Variants in BRWD1 observed in about 807,000 individuals in gnomAD.
BRWD1 encodes bromodomain and WD repeat-containing protein 1.
In BRWD1, 82 loss-of-function variants were observed where a neutral mutation model predicts 251.2. That is an observed-to-expected ratio of 0.33 (90% CI 0.27 to 0.39). BRWD1 has a LOEUF of 0.39. Among genes scored for constraint, BRWD1 ranks in the 10% least tolerant of loss-of-function variants. The pLI is 1.00. For missense variants in BRWD1, 2,233 were observed against 2,711.6 expected (o/e 0.82, Z 3.92); for synonymous variants, 918 against 902.8 (o/e 1.02, Z -0.30).
At chr21:39,278,177 A>G (rs146677671) in intron 10 of BRWD1, among the ~76,000 whole-genome samples, 27 of 152,262 alleles carry the variant, frequency 1.8e-4, no homozygotes, top group African/African-American at 6.3e-4. Context: ...AAGGGTGGCA[A>G]TATAATGCCA....
rs1345937852 is a variant in BRWD1 at position 39,193,943 on chromosome 21, T to G, written c.*2316A>C. ...CCATAACCAAAAAAACCCATAAAAA[T>G]TATTTTCTCCATTATCTCTCAGTTT... is the stretch of plus-strand genomic sequence containing the variant. On this transcript the variant is annotated 3_prime_UTR_variant, in exon 41 of 41. Coordinates refer to ENST00000342449, the MANE Select transcript of BRWD1 (RefSeq NM_033656.4). The G allele has an allele frequency of 3.0e-6, 3 of 985,584 alleles. No homozygotes were observed. In the East Asian group the frequency reaches 3.4e-4, roughly 112 times the overall value. 61.1% of individuals were successfully genotyped at this position (985,584 alleles called of 1,614,324 possible). A position where few individuals can be genotyped will look rare whatever the true frequency, so the allele number is the denominator to read the frequency against.
intron 4 of BRWD1, among the ~76,000 whole-genome samples, chr21:39,307,517 G>A (rs2036328028): frequency 6.6e-6 from 1 of 152,136 alleles, no homozygotes; most frequent in Non-Finnish European, 1.5e-5. Context: ...GAATACATTT[G>A]TACTTTCCTT....
intron 23 of BRWD1, 142 bp from the exon 24 acceptor site, chr21:39,232,640 T>A: frequency 1.1e-6 from 1 of 881,088 alleles, no homozygotes; most frequent in Non-Finnish European, 1.7e-6. Flanking sequence ...ACACAGCATA[T>A]ATATTTAGTT....
intron 19 of BRWD1, among the ~76,000 whole-genome samples, chr21:39,251,800 A>G (rs1001000435): frequency 1.3e-5 from 2 of 152,188 alleles, no homozygotes; most frequent in Admixed American, 6.5e-5. Context: ...GTCCCACCTG[A>G]TATCTGTATG....
upstream of BRWD1, chr21:39,313,664 T>C (rs3746885): frequency 0.9 from 389,244 of 430,430 alleles, 178,027 homozygotes; most frequent in African/African-American, 0.96. Context: ...AGGAAGTAGT[T>C]CCTCCGCGGG....
chr21:39,295,639 A>G, intron 7 of BRWD1, 104 bp downstream of exon 7: 3 of 981,772 alleles, frequency 3.1e-6, no homozygotes, highest in Non-Finnish European at 4.3e-6. Flanking sequence ...TACTGAGTCA[A>G]AATCTCTGAG....
At chr21:39,261,422 T>TA (rs2034741658) in intron 17 of BRWD1, among the ~76,000 whole-genome samples, 1 of 152,118 alleles carries the variant, frequency 6.6e-6, no homozygotes, top group Admixed American at 6.5e-5. Flanking sequence ...CCTAGAATAG[T>TA]AAAAAGACAT....
At chr21:39,307,742 CCT>C (rs1424571957) in intron 4 of BRWD1, among the ~76,000 whole-genome samples, 5 of 152,162 alleles carry the variant, frequency 3.3e-5, no homozygotes, top group Non-Finnish European at 5.9e-5. Flanking sequence ...AAAACAAAAA[CCT>C]CTTTTACAAT....
intron 17 of BRWD1, among the ~76,000 whole-genome samples, chr21:39,259,352 G>A (rs1433804804): frequency 6.6e-5 from 10 of 152,082 alleles, no homozygotes; most frequent in African/African-American, 1.7e-4. Context: ...GTGCAGTGGC[G>A]TGATCTTGGC....
In BRWD1 at chr21:39,193,237, A is replaced by G. The variant is rs2031645714; in HGVS notation, c.*3022T>C. 1.0e-6 allele frequency: 1 copy of G among 984,964 alleles called. No homozygotes were observed. Among genetic ancestry groups the G allele is most frequent in the African/African-American group, 1.7e-5 (1 of 57,320 alleles). 61.0% of individuals were successfully genotyped at this position (984,964 alleles called of 1,614,324 possible). The stretch of plus-strand genomic sequence containing the variant: ...GAAAGGAACCTTTCTGTTGTAATTT[A>G]CAAGCTGTGAGTAACTGCTATATCA... On this transcript the variant is annotated 3_prime_UTR_variant, in exon 41 of 41. Coordinates refer to ENST00000342449, the MANE Select transcript of BRWD1 (RefSeq NM_033656.4).
chr21:39,186,782 G>T lies in BRWD1; in HGVS notation c.*9477C>A. 2 of 411,110 alleles carry T rather than the reference G, an allele frequency of 4.9e-6. No homozygotes were observed. Among genetic ancestry groups the T allele is most frequent in the Non-Finnish European group, 8.1e-6 (2 of 246,568 alleles). 25.5% of individuals were successfully genotyped at this position (411,110 alleles called of 1,614,324 possible). The stretch of plus-strand genomic sequence containing the variant: ...GAAAGGAATAGTAGTCTTATAGCAG[G>T]CCATTTGTCTTTTCTTTCCACCTCT... On this transcript the variant is annotated 3_prime_UTR_variant, in exon 41 of 41. Coordinates refer to ENST00000342449, the MANE Select transcript of BRWD1 (RefSeq NM_033656.4).
intron 20 of BRWD1, among the ~76,000 whole-genome samples, chr21:39,248,820 TAAAAC>T (rs1160013354): frequency 6.6e-6 from 1 of 152,042 alleles, no homozygotes; most frequent in East Asian, 1.9e-4. Context: ...TCAAAGAACT[TAAAAC>T]AGAATTACCA....
intron 8 of BRWD1, among the ~76,000 whole-genome samples, chr21:39,289,791 G>A (rs576197684): frequency 3.3e-4 from 50 of 151,460 alleles, no homozygotes; most frequent in African/African-American, 1.0e-3. Flanking sequence ...TTGCGAGGCC[G>A]AGGCGGGCGG....
rs1455940698 is a variant in BRWD1, at chr21:39,247,810, G to A, written c.2372C>T (p.Ser791Leu). 6 of 1,605,842 alleles carry A rather than the reference G, an allele frequency of 3.7e-6. No individual in the cohort carries two copies. The Admixed American group carries it at 5.1e-5, about 14-fold the overall frequency. ...SHKSDSVVLV[S>L]QSRQRTCRRK... ...CCTACATGTCCTTTGTCTAGACTGTGATACCAAAACCACTGAATCCGACTG... is the reference window on the plus strand; with the variant it reads ...CCTACATGTCCTTTGTCTAGACTGTAATACCAAAACCACTGAATCCGACTG... Residue 791 changes from serine (S) to leucine (L), a missense_variant, in exon 21 of 41, where the codon TCA becomes TTA. Coordinates refer to ENST00000342449, the MANE Select transcript of BRWD1 (RefSeq NM_033656.4).
intron 21 of BRWD1, 68 bp from the exon 22 acceptor site, chr21:39,238,641 T>A: frequency 2.0e-6 from 2 of 1,015,048 alleles, no homozygotes; most frequent in Non-Finnish European, 1.6e-6. Flanking sequence ...AGAAAAAAGC[T>A]GTACACAATC....
intron 4 of BRWD1, among the ~76,000 whole-genome samples, chr21:39,310,917 T>C (rs147889962): frequency 1.3e-5 from 2 of 152,230 alleles, no homozygotes; most frequent in African/African-American, 4.8e-5. Flanking sequence ...ACGATACATA[T>C]ACCATTAACA....
intron 10 of BRWD1, 170 bp downstream of exon 10, chr21:39,278,573 G>C: frequency 1.9e-6 from 1 of 534,576 alleles, no homozygotes. Context: ...AGGCAGACTG[G>C]AGGACTGGAA....
intron 8 of BRWD1, among the ~76,000 whole-genome samples, chr21:39,284,244 C>T (rs979575034): frequency 5.9e-5 from 9 of 152,098 alleles, no homozygotes; most frequent in African/African-American, 2.2e-4. Flanking sequence ...CTTTGGGAGG[C>T]CAATGGAGGA....
chr21:39,283,291 CATAATCAGGAAAGATCTGACATATTT>C (rs2035531473), intron 8 of BRWD1, among the ~76,000 whole-genome samples: 1 of 152,160 alleles, frequency 6.6e-6, no homozygotes, highest in South Asian at 2.1e-4. Flanking sequence ...GATTTTATAG[CATAATCAGGAAAGATCTGACATATTT>C]ACAATACTGA....
Sources: gnomAD v4.1 joint callset for allele counts (sites outside exome capture counted in the v4.1 genomes callset) on GRCh38, gnomAD v4.1.1 for gene constraint, MANE v1.5 for transcripts, NCBI Gene and HGNC (gene_info 2026-07-23, HGNC 2026-07-21) for gene names.